The following ADCY2 variants were observed in gnomAD, a reference collection of about 807,000 sequenced individuals.
The protein encoded by ADCY2 is adenylate cyclase 2, also known as adenylate cyclase type 2.
Under a neutral mutation model 125.2 loss-of-function variants are expected in ADCY2, and 31 were observed. That is an observed-to-expected ratio of 0.25 (90% confidence interval 0.19 to 0.33). ADCY2 has a LOEUF of 0.33. Among genes scored for constraint, ADCY2 ranks in the 10% least tolerant of loss-of-function variants. The pLI, the probability that ADCY2 is intolerant of heterozygous loss-of-function variation, is 1.00. For synonymous variants in ADCY2, 512 were observed against 548.4 expected (o/e 0.93, Z 0.93); for missense variants, 904 against 1,418.2 (o/e 0.64, Z 5.82).
intron 3 of ADCY2, among the ~76,000 whole-genome samples, chr5:7,583,214 A>G (rs4131193): frequency 0.6 from 90,333 of 151,798 alleles, 28,055 homozygotes; most frequent in Non-Finnish European, 0.69. Flanking sequence ...ACAGAACAGT[A>G]TACTTTACTC....
At chr5:7,645,379 A>C (rs1426604195) in intron 4 of ADCY2, among the ~76,000 whole-genome samples, 1 of 152,136 alleles carries the variant, frequency 6.6e-6, no homozygotes. Context: ...TTGCACCTTC[A>C]AAGTCCTTGG....
At chr5:7,507,325 C>T (rs1743865212) in intron 2 of ADCY2, among the ~76,000 whole-genome samples, 2 of 138,502 alleles carry the variant, frequency 1.4e-5, no homozygotes, top group Non-Finnish European at 3.1e-5. Context: ...CCTGTAGTCC[C>T]AGCTACTTGG....
rs541916333 is a variant in ADCY2 at position 7,416,376 on chromosome 5, G to A, written c.408+1606G>A. Reference sequence around the variant, plus strand: ...TAGAGCCCCTTGGAGGGCTGGGCGCGGCCCCCATGCTCTGTCTGGCTTCTT... The same window carrying A: ...TAGAGCCCCTTGGAGGGCTGGGCGCAGCCCCCATGCTCTGTCTGGCTTCTT... On this transcript the variant is annotated intron_variant, in intron 2 of 24. Coordinates refer to ENST00000338316, the MANE Select transcript of ADCY2 (RefSeq NM_020546.3). Among the ~76,000 whole-genome samples the A allele has an allele frequency of 3.3e-5, 5 of 152,214 alleles. No homozygotes were observed. In the South Asian group the frequency reaches 8.3e-4, roughly 25 times the overall value.
At chr5:7,559,678 C>A (rs1163352381) in intron 3 of ADCY2, among the ~76,000 whole-genome samples, 2 of 152,118 alleles carry the variant, frequency 1.3e-5, no homozygotes, top group African/African-American at 4.8e-5. Flanking sequence ...CTTTCTGTTG[C>A]CTGTTAGCCC....
intron 2 of ADCY2, among the ~76,000 whole-genome samples, chr5:7,515,566 A>G (rs978155522): frequency 2.6e-4 from 39 of 152,354 alleles, no homozygotes; most frequent in African/African-American, 8.9e-4. Context: ...GATCTACTAA[A>G]TAAAGAAATG....
At position 7,772,898 on chromosome 5, in the gene ADCY2, C is replaced by T. The variant is rs200272830; in HGVS notation, c.2215-34C>T. 5.3e-4 allele frequency: 851 copies of T among 1,602,244 alleles called. 1 individual carries two copies. The highest frequency in any genetic ancestry group is 8.5e-4 in the South Asian group (76 of 89,896). ...GTTTCAGCATTTCTCAGAAGAGATC[C>T]TAAGTATCTGTCTGGTGTCCTTCCC... On this transcript the variant is annotated intron_variant, in intron 17 of 24. Coordinates refer to ENST00000338316, the MANE Select transcript of ADCY2 (RefSeq NM_020546.3).
At chr5:7,638,072 G>T (rs1738570083) in intron 4 of ADCY2, among the ~76,000 whole-genome samples, 1 of 152,226 alleles carries the variant, frequency 6.6e-6, no homozygotes, top group Non-Finnish European at 1.5e-5. Context: ...GATATCCTGA[G>T]CCTTTCTCAC....
At chr5:7,694,603 A>G (rs1740828470) in intron 5 of ADCY2, among the ~76,000 whole-genome samples, 1 of 152,160 alleles carries the variant, frequency 6.6e-6, no homozygotes, top group Non-Finnish European at 1.5e-5. Context: ...CACATGTCAG[A>G]ATTTCATTTC....
At chr5:7,445,568 C>T (rs1318232224) in intron 2 of ADCY2, among the ~76,000 whole-genome samples, 3 of 152,086 alleles carry the variant, frequency 2.0e-5, no homozygotes, top group Non-Finnish European at 2.9e-5. Flanking sequence ...ATAACTAAAC[C>T]TAAAGAGAAG....
chr5:7,479,061 C>T (rs769407659), intron 2 of ADCY2, among the ~76,000 whole-genome samples: 3 of 151,964 alleles, frequency 2.0e-5, no homozygotes, highest in Non-Finnish European at 2.9e-5. Context: ...TTGGCAAGAA[C>T]CATAGATTTG....
intron 4 of ADCY2, among the ~76,000 whole-genome samples, chr5:7,636,981 C>A (rs1426181195): frequency 1.3e-5 from 2 of 152,156 alleles, no homozygotes; most frequent in African/African-American, 2.4e-5. Context: ...TTTGTTTGTT[C>A]AAGATTTTCT....
chr5:7,551,905 A>T (rs1212100960), intron 3 of ADCY2, among the ~76,000 whole-genome samples: 1 of 152,192 alleles, frequency 6.6e-6, no homozygotes, highest in Non-Finnish European at 1.5e-5. Context: ...GTCTAAACTT[A>T]TGCCCAATAT....
intron 3 of ADCY2, among the ~76,000 whole-genome samples, chr5:7,607,861 C>A (rs1191917528): frequency 1.3e-5 from 2 of 151,646 alleles, no homozygotes; most frequent in African/African-American, 2.4e-5. Flanking sequence ...CTAGTGGAGT[C>A]ATAAATAAAT....
At chr5:7,526,247 C>T (rs945108441) in intron 3 of ADCY2, among the ~76,000 whole-genome samples, 2 of 152,084 alleles carry the variant, frequency 1.3e-5, no homozygotes, top group African/African-American at 4.8e-5. Context: ...TGCTTCCTTA[C>T]GGGGCCTTGT....
chr5:7,648,304 A>G (rs1408260547), intron 4 of ADCY2, among the ~76,000 whole-genome samples: 2 of 152,222 alleles, frequency 1.3e-5, no homozygotes, highest in Non-Finnish European at 2.9e-5. Context: ...AATTATTTTC[A>G]GTAACTAAAT....
At chr5:7,496,223 A>G (rs1414744309) in intron 2 of ADCY2, among the ~76,000 whole-genome samples, 1 of 152,232 alleles carries the variant, frequency 6.6e-6, no homozygotes, top group Non-Finnish European at 1.5e-5. Context: ...TTAGCAAGAT[A>G]AAAAATCAAA....
At chr5:7,611,253 T>C (rs1420396474) in intron 3 of ADCY2, 1 of 152,196 alleles carries the variant, frequency 6.6e-6, no homozygotes, top group African/African-American at 2.4e-5. Flanking sequence ...ATATATTAAA[T>C]GTTTCTCAAG....
At chr5:7,708,011 A>C (rs948328681) in intron 9 of ADCY2, 173 bp downstream of exon 9, 2 of 708,810 alleles carry the variant, frequency 2.8e-6, no homozygotes. Flanking sequence ...TTATGAATTC[A>C]AATACTTATT....
At chr5:7,467,157 A>G (rs1355319301) in intron 2 of ADCY2, among the ~76,000 whole-genome samples, 1 of 152,200 alleles carries the variant, frequency 6.6e-6, no homozygotes, top group African/African-American at 2.4e-5. Context: ...TGGCAAATCC[A>G]GGCTGCTAAC....
Sources: gnomAD v4.1 joint callset for allele counts (sites outside exome capture counted in the v4.1 genomes callset) on GRCh38, gnomAD v4.1.1 for gene constraint, MANE v1.5 for transcripts, NCBI Gene and HGNC (gene_info 2026-07-23, HGNC 2026-07-21) for gene names.